NTM: variants seen among roughly 807,000 people sequenced by gnomAD.
The protein encoded by NTM is IgLON family member 2.
In NTM, 13 loss-of-function variants were observed where a neutral mutation model predicts 42.1. The observed-to-expected ratio is 0.31, with a 90% confidence interval of 0.20 to 0.49. The LOEUF (loss-of-function observed/expected upper bound fraction) is 0.49. NTM is among the 20% of genes least tolerant of loss of function. NTM has a pLI of 0.99. For synonymous variants in NTM, 187 were observed against 179.2 expected, an observed-to-expected ratio of 1.04 and a Z score of -0.35; for missense variants, 373 against 452.8, an observed-to-expected ratio of 0.82 and a Z score of 1.60.
At chr11:132,312,802 C>T (rs961769119) in intron 6 of NTM, 1 of 154,740 alleles carries the variant, frequency 6.5e-6, no homozygotes, top group African/African-American at 2.4e-5. Flanking sequence ...ATGGACAGCA[C>T]CCCCTAGAGG....
chr11:131,963,184 G>C (rs182216275), intron 2 of NTM, among the ~76,000 whole-genome samples: 1 of 152,292 alleles, frequency 6.6e-6, no homozygotes, highest in East Asian at 1.9e-4. Flanking sequence ...GGCACAGCCA[G>C]TGGTATGAGC....
intron 7 of NTM, among the ~76,000 whole-genome samples, chr11:132,327,725 G>A (rs775405037): frequency 2.0e-5 from 3 of 152,032 alleles, no homozygotes; most frequent in Non-Finnish European, 4.4e-5. Flanking sequence ...CTTAGAGATG[G>A]GATGGGAGGG....
intron 4 of NTM, among the ~76,000 whole-genome samples, chr11:132,245,921 G>C (rs1366044033): frequency 6.6e-6 from 1 of 152,158 alleles, no homozygotes; most frequent in Non-Finnish European, 1.5e-5. Flanking sequence ...AAGCCCGCAG[G>C]ATTTGATCTT....
intron 1 of NTM, among the ~76,000 whole-genome samples, chr11:131,504,366 G>A (rs1241983021): frequency 6.6e-6 from 1 of 152,048 alleles, no homozygotes; most frequent in African/African-American, 2.4e-5. Flanking sequence ...GGTGGCTCTC[G>A]GCTGCCCCCA....
chr11:131,691,991 C>A (rs773290036), intron 1 of NTM, among the ~76,000 whole-genome samples: 2 of 152,160 alleles, frequency 1.3e-5, no homozygotes, highest in African/African-American at 2.4e-5. Context: ...TGCGGGCAGG[C>A]GTGGGAACTG....
chr11:131,628,491 G>A (rs944806856), intron 1 of NTM, among the ~76,000 whole-genome samples: 1 of 152,172 alleles, frequency 6.6e-6, no homozygotes, highest in Non-Finnish European at 1.5e-5. Context: ...GTAGAATCAC[G>A]AGTGTGTGTC....
chr11:132,150,513 A>G (rs2071649042), intron 3 of NTM, among the ~76,000 whole-genome samples: 1 of 152,196 alleles, frequency 6.6e-6, no homozygotes, highest in African/African-American at 2.4e-5. Flanking sequence ...CCATGGCTTG[A>G]AGGGCTAGGT....
At chr11:131,761,856 TAAATAATA>T (rs1226451789) in intron 1 of NTM, among the ~76,000 whole-genome samples, 6 of 126,310 alleles carry the variant, frequency 4.8e-5, no homozygotes, top group African/African-American at 1.2e-4. Flanking sequence ...AATAAATAAA[TAAATAATA>T]AATGCAGAGG....
chr11:131,905,256 T>C (rs1302908337), intron 1 of NTM, among the ~76,000 whole-genome samples: 1 of 152,242 alleles, frequency 6.6e-6, no homozygotes, highest in African/African-American at 2.4e-5. Context: ...AATATTTGAC[T>C]TCTGGTCTGA....
chr11:131,976,776 G>T (rs1244320604), intron 2 of NTM, among the ~76,000 whole-genome samples: 1 of 152,182 alleles, frequency 6.6e-6, no homozygotes. Flanking sequence ...ACAAGAGGGT[G>T]AGTAGTATTT....
chr11:131,884,334 G>A (rs908006286), intron 1 of NTM, among the ~76,000 whole-genome samples: 6 of 152,078 alleles, frequency 3.9e-5, no homozygotes, highest in Non-Finnish European at 8.8e-5. Flanking sequence ...ATTTGAACCC[G>A]GGAGGCAGAA....
chr11:131,814,375 A>T (rs549389219), intron 1 of NTM, among the ~76,000 whole-genome samples: 1 of 152,208 alleles, frequency 6.6e-6, no homozygotes, highest in East Asian at 1.9e-4. Flanking sequence ...CAGCTCCCAA[A>T]TAGGTGCCTC....
intron 1 of NTM, among the ~76,000 whole-genome samples, chr11:131,380,471 A>C (rs1356823559): frequency 6.6e-6 from 1 of 152,040 alleles, no homozygotes; most frequent in Non-Finnish European, 1.5e-5. Context: ...TCAGCCTCTC[A>C]AAGTGCTGGG....
chr11:131,900,950 A>G (rs2053069549), intron 1 of NTM, among the ~76,000 whole-genome samples: 2 of 152,238 alleles, frequency 1.3e-5, no homozygotes, highest in African/African-American at 4.8e-5. Flanking sequence ...ATACCTGCAG[A>G]AAGCAATCTA....
At chr11:131,402,983 A>G (rs375546007) in intron 1 of NTM, among the ~76,000 whole-genome samples, 4 of 152,368 alleles carry the variant, frequency 2.6e-5, no homozygotes, top group South Asian at 2.1e-4. Flanking sequence ...GCTGCTCTTC[A>G]TTAGGCTTTG....
rs535165584 is a variant in NTM, at chr11:132,164,513, A to G, written c.400+17999A>G. ...CATTTCTTTATTTGACTATGAACTC[A>G]TTAAGGATGATGTGTGCTATGTAAA... On this transcript the variant is annotated intron_variant, in intron 3 of 8. Transcript: ENST00000683400. Among the ~76,000 whole-genome samples the G allele has an allele frequency of 1.2e-3, 182 of 152,322 alleles. No individual in the cohort carries two copies. The Middle Eastern group carries it at 0.027, about 23-fold the overall frequency.
At chr11:131,482,853 A>G (rs1010522983) in intron 1 of NTM, among the ~76,000 whole-genome samples, 4 of 152,220 alleles carry the variant, frequency 2.6e-5, no homozygotes, top group African/African-American at 9.6e-5. Flanking sequence ...ATGAGAAAGT[A>G]AAATTCACTA....
At chr11:131,670,060 A>G (rs1273900605) in intron 1 of NTM, among the ~76,000 whole-genome samples, 2 of 152,146 alleles carry the variant, frequency 1.3e-5, no homozygotes, top group Non-Finnish European at 2.9e-5. Flanking sequence ...CTTGGTAATG[A>G]GAGAAGAAAA....
intron 1 of NTM, among the ~76,000 whole-genome samples, chr11:131,896,462 C>T (rs993478992): frequency 6.6e-6 from 1 of 152,162 alleles, no homozygotes; most frequent in Admixed American, 6.5e-5. Context: ...AGACCTGCTA[C>T]AAGGATGTAG....
Sources: allele counts gnomAD v4.1 joint callset (sites outside exome capture counted in the v4.1 genomes callset), GRCh38; gene constraint gnomAD v4.1.1; transcripts MANE v1.5; gene names NCBI Gene and HGNC (gene_info 2026-07-23, HGNC 2026-07-21).